The following ZDHHC17 variants were observed in gnomAD, a reference collection of about 807,000 sequenced individuals.
ZDHHC17 encodes the protein zDHHC palmitoyltransferase 17.
Under a neutral mutation model 90.3 loss-of-function variants are expected in ZDHHC17, and 40 were observed. The observed-to-expected ratio is 0.44, with a 90% CI of 0.34 to 0.58. ZDHHC17 has a LOEUF of 0.58. ZDHHC17 is among the 20% of genes least tolerant of loss of function. ZDHHC17 has a pLI of 0.01. For synonymous variants in ZDHHC17, 235 were observed against 252.4 expected (o/e 0.93, Z 0.65); for missense variants, 614 against 780.8 (o/e 0.79, Z 2.55).
At chr12:76,779,610 G>A (rs1403351191) in intron 1 of ZDHHC17, among the ~76,000 whole-genome samples, 1 of 152,158 alleles carries the variant, frequency 6.6e-6, no homozygotes, top group Non-Finnish European at 1.5e-5. Flanking sequence ...TGAGATTTGG[G>A]TGGGGACACA....
At chr12:76,814,761 T>C (rs1953064174) in intron 5 of ZDHHC17, among the ~76,000 whole-genome samples, 1 of 151,982 alleles carries the variant, frequency 6.6e-6, no homozygotes, top group Non-Finnish European at 1.5e-5. Flanking sequence ...TCTTTTTATT[T>C]TTTGTTTTGA....
chr12:76,837,020 T>G (rs1040774474), intron 10 of ZDHHC17, among the ~76,000 whole-genome samples: 2 of 152,238 alleles, frequency 1.3e-5, no homozygotes, highest in African/African-American at 4.8e-5. Flanking sequence ...AAGCAAATCC[T>G]GAAGAGTGGA....
intron 1 of ZDHHC17, 58 bp downstream of exon 1, chr12:76,764,387 G>C (rs1184915896): frequency 6.7e-7 from 1 of 1,496,588 alleles, no homozygotes; most frequent in African/African-American, 1.4e-5. Context: ...TTTCTTCCCC[G>C]GACTCGCCGA....
chr12:76,849,147 CA>C (rs1466637742), intron 15 of ZDHHC17, among the ~76,000 whole-genome samples: 1 of 68,516 alleles, frequency 1.5e-5, no homozygotes, highest in Non-Finnish European at 2.8e-5. Flanking sequence ...AAAAACCCAA[CA>C]AAAAAAAGAA....
At chr12:76,806,287 G>GT (rs984261307) in intron 3 of ZDHHC17, among the ~76,000 whole-genome samples, 44 of 151,562 alleles carry the variant, frequency 2.9e-4, no homozygotes, top group African/African-American at 8.2e-4. Flanking sequence ...TTTTGTTTTT[G>GT]TTTTTTTTGA....
At chr12:76,811,144 G>C (rs552549110) in intron 5 of ZDHHC17, among the ~76,000 whole-genome samples, 1 of 139,020 alleles carries the variant, frequency 7.2e-6, no homozygotes, top group East Asian at 2.2e-4. Context: ...ATCAGTTAAA[G>C]TGAGTTAACA....
intron 12 of ZDHHC17, among the ~76,000 whole-genome samples, chr12:76,843,715 C>T (rs1290946289): frequency 2.0e-5 from 3 of 152,080 alleles, no homozygotes; most frequent in Middle Eastern, 3.4e-3. Context: ...TGTTTTTCTA[C>T]ATGGAAATTG....
In ZDHHC17 at chr12:76,848,185, G is replaced by A. The variant is rs377649565; in HGVS notation, c.1508-48G>A. On this transcript the variant is annotated intron_variant, in intron 14 of 16. Transcript: ENST00000426126. Reference sequence around the variant, plus strand: ...GCCAGCACAAATGCCTATATGAGGTGCTTGGATGATTATTGAGTAAATACG... The same window carrying A: ...GCCAGCACAAATGCCTATATGAGGTACTTGGATGATTATTGAGTAAATACG... 200 of 1,602,464 alleles carry A rather than the reference G, an allele frequency of 1.2e-4. 1 individual carries two copies. In the Middle Eastern group the frequency reaches 2.0e-3, roughly 16 times the overall value.
At chr12:76,800,952 A>G (rs1288931781) in intron 2 of ZDHHC17, among the ~76,000 whole-genome samples, 2 of 144,394 alleles carry the variant, frequency 1.4e-5, no homozygotes, top group African/African-American at 5.2e-5. Context: ...CCATGGCGCA[A>G]TCTCAGCTCA....
At chr12:76,803,408 C>T (rs1952915727) in intron 2 of ZDHHC17, among the ~76,000 whole-genome samples, 1 of 151,716 alleles carries the variant, frequency 6.6e-6, no homozygotes. Flanking sequence ...AATCATTCCT[C>T]TTGCCTCTCT....
At chr12:76,794,920 G>A (rs139356036) in intron 1 of ZDHHC17, among the ~76,000 whole-genome samples, 165 of 152,242 alleles carry the variant, frequency 1.1e-3, no homozygotes, top group African/African-American at 3.8e-3. Context: ...AAAAAGAATA[G>A]CATTTTGCCG....
intron 1 of ZDHHC17, among the ~76,000 whole-genome samples, chr12:76,790,139 A>G (rs1466641725): frequency 6.6e-6 from 1 of 151,776 alleles, no homozygotes; most frequent in East Asian, 1.9e-4. Context: ...TAGACCTCTT[A>G]TAAAAAATGA....
intron 1 of ZDHHC17, among the ~76,000 whole-genome samples, chr12:76,793,129 G>A (rs977928825): frequency 1.3e-5 from 2 of 152,178 alleles, no homozygotes; most frequent in Non-Finnish European, 2.9e-5. Flanking sequence ...TGTCAGATTC[G>A]TGAGTTGTCC....
intron 12 of ZDHHC17, chr12:76,844,257 A>G (rs1488928127): frequency 6.6e-6 from 1 of 152,154 alleles, no homozygotes; most frequent in Non-Finnish European, 1.5e-5. Context: ...GTTTTATTAT[A>G]TATTATTTAT....
intron 5 of ZDHHC17, among the ~76,000 whole-genome samples, chr12:76,813,050 A>G (rs912991480): frequency 6.6e-6 from 1 of 151,974 alleles, no homozygotes; most frequent in African/African-American, 2.4e-5. Context: ...TTCTTTTAGT[A>G]CTCTAGAGAT....
Position 76,793,009 on chromosome 12 carries a change from A to G in ZDHHC17, c.94-4425A>G, listed in dbSNP as rs558933283. Reference sequence around the variant, plus strand: ...TCATGATCAAATAAGGCAAATGCCTAGCTAGCTATGGCTGATCAAGTAATT... The same window carrying G: ...TCATGATCAAATAAGGCAAATGCCTGGCTAGCTATGGCTGATCAAGTAATT... On this transcript the variant is annotated intron_variant, in intron 1 of 16. Transcript: ENST00000426126. 4.6e-5 allele frequency among the ~76,000 whole-genome samples: 7 copies of G among 152,306 alleles called. 1 individual carries two copies. The South Asian group carries it at 1.5e-3, about 32-fold the overall frequency.
intron 10 of ZDHHC17, among the ~76,000 whole-genome samples, chr12:76,831,911 G>C (rs1477752): frequency 6.6e-6 from 1 of 152,052 alleles, no homozygotes; most frequent in Non-Finnish European, 1.5e-5. Flanking sequence ...CTCCCAAAGT[G>C]CTGGGATTAC....
intron 10 of ZDHHC17, 41 bp downstream of exon 10, chr12:76,828,531 G>A: frequency 1.9e-6 from 3 of 1,570,538 alleles, no homozygotes; most frequent in Non-Finnish European, 2.6e-6. Context: ...AACAAATTTT[G>A]TTTGTTATTT....
chr12:76,792,364 C>T (rs146787150), intron 1 of ZDHHC17, among the ~76,000 whole-genome samples: 1,681 of 152,290 alleles, frequency 0.011, 11 homozygotes, highest in Non-Finnish European at 0.017. Context: ...CTAGTTTGCA[C>T]ATAGACACTT....
Sources: gnomAD v4.1 joint callset for allele counts (sites outside exome capture counted in the v4.1 genomes callset) on GRCh38, gnomAD v4.1.1 for gene constraint, MANE v1.5 for transcripts, NCBI Gene and HGNC (gene_info 2026-07-23, HGNC 2026-07-21) for gene names.